The following NFATC1 variants were observed in gnomAD, a reference collection of about 807,000 sequenced individuals.
NFATC1 encodes the protein nuclear factor of activated T-cells, cytoplasmic 1.
A neutral mutation model predicts 76.0 loss-of-function variants in NFATC1; 22 were observed. The ratio of observed to expected loss-of-function variants is 0.29; its 90% CI spans 0.21 to 0.41. The LOEUF is 0.41. Among genes scored for constraint, NFATC1 ranks in the 10% least tolerant of loss-of-function variants. The pLI is 1.00. For synonymous variants in NFATC1, 704 were observed against 613.1 expected (o/e 1.15, Z -2.19); for missense variants, 1,357 against 1,337.7 (o/e 1.01, Z -0.23).
intron 3 of NFATC1, among the ~76,000 whole-genome samples, chr18:79,438,999 C>A (rs1046669204): frequency 6.6e-6 from 1 of 152,162 alleles, no homozygotes; most frequent in African/African-American, 2.4e-5. Flanking sequence ...TGTTAAAATG[C>A]GCGTCGGGCC....
At chr18:79,474,907 G>A in intron 8 of NFATC1, among the ~76,000 whole-genome samples, 1 of 141,332 alleles carries the variant, frequency 7.1e-6, no homozygotes, top group South Asian at 2.2e-4. Context: ...CCTGAGGGAA[G>A]CGTGTTCTCA....
chr18:79,520,006 G>A (rs774116825), intron 9 of NFATC1, among the ~76,000 whole-genome samples: 33 of 152,288 alleles, frequency 2.2e-4, no homozygotes, highest in Middle Eastern at 3.4e-3. Flanking sequence ...GCAAGAAACC[G>A]GCTGCCCCCA....
At chr18:79,402,084 C>G (rs1001922155) in intron 1 of NFATC1, among the ~76,000 whole-genome samples, 1 of 152,246 alleles carries the variant, frequency 6.6e-6, no homozygotes, top group Non-Finnish European at 1.5e-5. Flanking sequence ...GGTCAGCGCA[C>G]CCCCAGTGAC....
At chr18:79,402,615 T>G (rs897905426) in intron 1 of NFATC1, among the ~76,000 whole-genome samples, 1 of 152,074 alleles carries the variant, frequency 6.6e-6, no homozygotes, top group African/African-American at 2.4e-5. Flanking sequence ...GCTTTAGGAG[T>G]TGGGGCTCCG....
intron 6 of NFATC1, among the ~76,000 whole-genome samples, chr18:79,454,546 A>G (rs2087605509): frequency 6.6e-6 from 1 of 152,116 alleles, no homozygotes; most frequent in Non-Finnish European, 1.5e-5. Context: ...TCCCTCTGGG[A>G]TGCTCCAGCA....
intron 9 of NFATC1, among the ~76,000 whole-genome samples, chr18:79,522,497 T>C (rs2090638177): frequency 1.0e-5 from 1 of 99,378 alleles, no homozygotes; most frequent in African/African-American, 4.1e-5. Flanking sequence ...TATCTGCTGA[T>C]GTGTTTTGTG....
intron 1 of NFATC1, among the ~76,000 whole-genome samples, chr18:79,407,018 G>A (rs1453454313): frequency 3.9e-5 from 6 of 152,246 alleles, no homozygotes; most frequent in South Asian, 4.1e-4. Flanking sequence ...CACGGGCCAC[G>A]GAGGGGCCAC....
Position 79,528,469 on chromosome 18 carries a change from G to T in NFATC1, c.*892G>T, listed in dbSNP as rs1395505392. On this transcript the variant is annotated 3_prime_UTR_variant, in exon 10 of 10. Transcript: ENST00000427363. ...GTCAGCAATAACCGGCATCCGTTTT[G>T]GAACCTGCGTCTGGGGCTCCAGTCG... 1 of 152,352 alleles carries T rather than the reference G, an allele frequency of 6.6e-6. No individual in the cohort carries two copies. The highest frequency in any genetic ancestry group is 2.4e-5 in the African/African-American group (1 of 41,568). The allele number at this position is 152,352 out of a possible 1,614,324, so 9.4% of individuals were successfully genotyped here. A position where few individuals can be genotyped will look rare whatever the true frequency, so the allele number is the denominator to read the frequency against.
At chr18:79,462,566 A>G (rs188985269) in intron 7 of NFATC1, among the ~76,000 whole-genome samples, 178 of 152,082 alleles carry the variant, frequency 1.2e-3, no homozygotes, top group African/African-American at 4.1e-3. Flanking sequence ...GGCCTCCCAA[A>G]GTGCTGGGAT....
At chr18:79,471,984 G>A (rs1373771471) in intron 8 of NFATC1, among the ~76,000 whole-genome samples, 1 of 152,220 alleles carries the variant, frequency 6.6e-6, no homozygotes, top group Non-Finnish European at 1.5e-5. Context: ...TGCCTCAAGG[G>A]GTAGAAAGGG....
chr18:79,427,671 T>TC (rs2086418715), intron 2 of NFATC1, among the ~76,000 whole-genome samples: 2 of 57,298 alleles, frequency 3.5e-5, no homozygotes, highest in Non-Finnish European at 6.0e-5. Context: ...CTCTGTGTGG[T>TC]GTGGGGGCTG....
In NFATC1 at chr18:79,528,645, T is replaced by C. The variant is rs930972233; in HGVS notation, c.*1068T>C. ...CATTAGAAAGTGATTGTAAATAACA[T>C]GCAACCTAAGTGTAATATATTTGTT... On this transcript the variant is annotated 3_prime_UTR_variant, in exon 10 of 10. Coordinates refer to ENST00000427363, the MANE Select transcript of NFATC1 (RefSeq NM_001278669.2). 3.3e-5 allele frequency: 5 copies of C among 152,264 alleles called. No individual in the cohort carries two copies. The highest frequency in any genetic ancestry group is 7.3e-5 in the Non-Finnish European group (5 of 68,050). 9.4% of individuals were successfully genotyped at this position (152,264 alleles called of 1,614,324 possible). A position where few individuals can be genotyped will look rare whatever the true frequency, so the allele number is the denominator to read the frequency against.
chr18:79,402,150 G>A (rs559581892), intron 1 of NFATC1, among the ~76,000 whole-genome samples: 147 of 152,356 alleles, frequency 9.6e-4, no homozygotes, highest in African/African-American at 3.3e-3. Flanking sequence ...GCAGCCTCGG[G>A]AAGGACACCG....
intron 2 of NFATC1, among the ~76,000 whole-genome samples, chr18:79,429,145 TGGGAGGCGGAGGCTGCAGTGAGCCG>T (rs1257511812): frequency 6.9e-6 from 1 of 144,326 alleles, no homozygotes; most frequent in African/African-American, 2.6e-5. Flanking sequence ...TGCTTGAACC[TGGGAGGCGGAGGCTGCAGTGAGCCG>T]AGATGGCTCC....
At chr18:79,506,304 C>T (rs1362349351) in intron 9 of NFATC1, among the ~76,000 whole-genome samples, 4 of 152,162 alleles carry the variant, frequency 2.6e-5, no homozygotes, top group Non-Finnish European at 4.4e-5. Context: ...CCCCTCCCTC[C>T]GTGGACAGAT....
intron 3 of NFATC1, 44 bp from the exon 4 acceptor site, chr18:79,448,738 C>T (rs2087325797): frequency 1.3e-6 from 2 of 1,585,432 alleles, no homozygotes; most frequent in Admixed American, 1.7e-5. Context: ...TCCCGGCGGT[C>T]TGTGCTCTGG....
intron 8 of NFATC1, among the ~76,000 whole-genome samples, chr18:79,485,847 C>G (rs762390476): frequency 4.6e-5 from 7 of 152,260 alleles, no homozygotes; most frequent in Non-Finnish European, 5.9e-5. Context: ...CCGTCTTGTT[C>G]TGTGTTCGAG....
chr18:79,398,107 C>G (rs2085066030), intron 1 of NFATC1, among the ~76,000 whole-genome samples: 1 of 152,134 alleles, frequency 6.6e-6, no homozygotes, highest in Non-Finnish European at 1.5e-5. Flanking sequence ...GACCTGGGCG[C>G]CTCCCCTGCG....
Position 79,489,661 on chromosome 18 carries a change from C to T in NFATC1, c.2782+2724C>T, listed in dbSNP as rs531695238. ...TGGGTCACGTCCTGTTCAAAAGACC[C>T]AGGGGTTTCTGTGTTGTCAGAGCAG... is the stretch of plus-strand genomic sequence containing the variant. On this transcript the variant is annotated intron_variant, in intron 9 of 9. Coordinates refer to ENST00000427363, the MANE Select transcript of NFATC1 (RefSeq NM_001278669.2). Among the ~76,000 whole-genome samples the T allele has an allele frequency of 1.3e-4, 20 of 152,334 alleles. No homozygotes were observed. In the East Asian group the frequency reaches 3.7e-3, roughly 28 times the overall value.
Sources: allele counts gnomAD v4.1 joint callset (sites outside exome capture counted in the v4.1 genomes callset), GRCh38; gene constraint gnomAD v4.1.1; transcripts MANE v1.5; gene names NCBI Gene and HGNC (gene_info 2026-07-23, HGNC 2026-07-21).